The following NXPE2 variants were observed in gnomAD, a reference collection of about 807,000 sequenced individuals.
The protein encoded by NXPE2 is NXPE family member 2.
Under a neutral mutation model 34.4 loss-of-function variants are expected in NXPE2, and 34 were observed. That is an observed-to-expected ratio of 0.99 (90% CI 0.75 to 1.31). NXPE2 has a LOEUF of 1.31. NXPE2 is among the 40% of genes most tolerant of loss of function. The pLI, the probability that NXPE2 is intolerant of heterozygous loss-of-function variation, is 0.00. For missense variants in NXPE2, 649 were observed against 672.5 expected (o/e 0.97, Z 0.39); for synonymous variants, 235 against 231.3 (o/e 1.02, Z -0.15).
chr11:114,705,700 A>C (rs2135574381), intron 4 of NXPE2, 81 bp from the exon 5 acceptor site: 1 of 840,306 alleles, frequency 1.2e-6, no homozygotes, highest in African/African-American at 1.8e-5. Context: ...AAAGAGGAAA[A>C]GGAAGGCAAA....
the NXPE2 span, among the ~76,000 whole-genome samples, chr11:114,548,594 A>T: frequency 1.3e-5 from 2 of 152,054 alleles, no homozygotes; most frequent in Non-Finnish European, 2.9e-5. Context: ...AATAAAATCA[A>T]TTGGGTATTT....
the NXPE2 span, chr11:114,529,873 G>C: frequency 8.8e-4 from 261 of 296,966 alleles, 3 homozygotes; most frequent in Non-Finnish European, 9.4e-4. Context: ...AACAAAATAT[G>C]ATATGGGAGG....
At chr11:114,554,984 A>G in the NXPE2 span, among the ~76,000 whole-genome samples, 1 of 151,844 alleles carries the variant, frequency 6.6e-6, no homozygotes, top group Admixed American at 6.6e-5. Flanking sequence ...AGATAGTTAC[A>G]TGAGACATAA....
At chr11:114,694,074 G>T (rs1951203506) in intron 2 of NXPE2, among the ~76,000 whole-genome samples, 2 of 152,136 alleles carry the variant, frequency 1.3e-5, no homozygotes, top group Non-Finnish European at 2.9e-5. Flanking sequence ...AGAACAACAT[G>T]GAGTGACATT....
the NXPE2 span, among the ~76,000 whole-genome samples, chr11:114,782,483 C>A: frequency 1.3e-5 from 2 of 152,210 alleles, no homozygotes; most frequent in East Asian, 1.9e-4. Flanking sequence ...TGTTTAACAA[C>A]CATTTTGTGC....
the NXPE2 span, among the ~76,000 whole-genome samples, chr11:114,598,674 C>T: frequency 5.9e-5 from 9 of 151,844 alleles, no homozygotes; most frequent in African/African-American, 1.9e-4. Flanking sequence ...CCTCTTTGAG[C>T]CATGGCTGGA....
At chr11:114,584,567 A>T in the NXPE2 span, 1 of 165,468 alleles carries the variant, frequency 6.0e-6, no homozygotes. Context: ...CCATCTTCAA[A>T]AAAGCCAAGA....
chr11:114,708,636 AAAAAGAAAAG>A (rs369604933), downstream of NXPE2, among the ~76,000 whole-genome samples: 26 of 148,516 alleles, frequency 1.8e-4, no homozygotes, highest in South Asian at 1.3e-3. Flanking sequence ...TCTCAAAAAA[AAAAAGAAAAG>A]AAAAGAAAAG....
At chr11:114,752,203 C>T in the NXPE2 span, among the ~76,000 whole-genome samples, 19,410 of 152,154 alleles carry the variant, frequency 0.13, 1,562 homozygotes, top group African/African-American at 0.22. Context: ...ATATGAAGCC[C>T]CTGAGACAGG....
chr11:114,616,163 T>C, the NXPE2 span, among the ~76,000 whole-genome samples: 1 of 151,564 alleles, frequency 6.6e-6, no homozygotes, highest in Non-Finnish European at 1.5e-5. Flanking sequence ...GTAACCATGG[T>C]TACCCTGTGT....
At chr11:114,619,313 C>T in the NXPE2 span, among the ~76,000 whole-genome samples, 13 of 152,148 alleles carry the variant, frequency 8.5e-5, no homozygotes, top group Non-Finnish European at 1.2e-4. Context: ...CACTGTTCCC[C>T]GCTGGATAAT....
At chr11:114,542,098 A>G in the NXPE2 span, among the ~76,000 whole-genome samples, 1 of 152,166 alleles carries the variant, frequency 6.6e-6, no homozygotes, top group Admixed American at 6.5e-5. Flanking sequence ...GGTCATTCAC[A>G]TTTATGATTA....
the NXPE2 span, among the ~76,000 whole-genome samples, chr11:114,628,068 A>G: frequency 1.6e-4 from 24 of 149,866 alleles, no homozygotes; most frequent in Non-Finnish European, 3.1e-4. Flanking sequence ...CACGTTAATA[A>G]TGGGAGACTT....
At chr11:114,559,852 A>C in the NXPE2 span, 1 of 152,256 alleles carries the variant, frequency 6.6e-6, no homozygotes, top group South Asian at 2.1e-4. Flanking sequence ...GTGAGTTCTT[A>C]ACTGGCTCTT....
At chr11:114,728,678 T>C in the NXPE2 span, among the ~76,000 whole-genome samples, 1 of 152,068 alleles carries the variant, frequency 6.6e-6, no homozygotes, top group Admixed American at 6.6e-5. Flanking sequence ...CTTTAGGCTT[T>C]ATGGGACATA....
chr11:114,759,854 T>A, the NXPE2 span, among the ~76,000 whole-genome samples: 2 of 152,200 alleles, frequency 1.3e-5, no homozygotes, highest in Non-Finnish European at 2.9e-5. Context: ...ATCCTAGGAA[T>A]CACTGGTCCA....
At chr11:114,525,385 A>G in the NXPE2 span, among the ~76,000 whole-genome samples, 15 of 152,078 alleles carry the variant, frequency 9.9e-5, no homozygotes, top group Non-Finnish European at 2.2e-4. Context: ...ATATAAAAAG[A>G]AAAACAAGTT....
chr11:114,628,525 G>T, the NXPE2 span, among the ~76,000 whole-genome samples: 1 of 151,778 alleles, frequency 6.6e-6, no homozygotes, highest in Non-Finnish European at 1.5e-5. Flanking sequence ...AAAGCAGTGT[G>T]TAGAGGGAAA....
chr11:114,524,011 A>G, the NXPE2 span, among the ~76,000 whole-genome samples: 3 of 152,238 alleles, frequency 2.0e-5, no homozygotes, highest in Non-Finnish European at 2.9e-5. Context: ...ATGCCATTGC[A>G]TGGTGTCAGG....
Sources: gnomAD v4.1 joint callset for allele counts (sites outside exome capture counted in the v4.1 genomes callset) on GRCh38, gnomAD v4.1.1 for gene constraint, MANE v1.5 for transcripts, NCBI Gene and HGNC (gene_info 2026-07-23, HGNC 2026-07-21) for gene names.